KIF5C: variants seen among roughly 807,000 people sequenced by gnomAD.
The protein encoded by KIF5C is kinesin family member 5C.
KIF5C carries 18 observed loss-of-function variants against 125.2 expected under a neutral mutation model. The ratio of observed to expected loss-of-function variants is 0.14; its 90% confidence interval spans 0.10 to 0.21. The LOEUF (loss-of-function observed/expected upper bound fraction) is 0.21, where lower values mean the gene tolerates loss of function less well. KIF5C is among the 10% of genes least tolerant of loss of function. The probability of loss-of-function intolerance (pLI) is 1.00; values close to 1 mark genes in which losing one functional copy is unlikely to be tolerated. For missense variants in KIF5C, 780 were observed against 1,183.8 expected (o/e 0.66, Z 5.01); for synonymous variants, 405 against 434.0 (o/e 0.93, Z 0.83).
At chr2:148,971,290 G>GTCTATCTATCTATCTA (rs753154563) in intron 11 of KIF5C, among the ~76,000 whole-genome samples, 31 of 137,322 alleles carry the variant, frequency 2.3e-4, no homozygotes, top group Middle Eastern at 4.3e-3. Flanking sequence ...CTGTCTGTCT[G>GTCTATCTATCTATCTA]TCTATCTATC....
intron 11 of KIF5C, among the ~76,000 whole-genome samples, chr2:148,962,485 G>A (rs1028292866): frequency 1.3e-5 from 2 of 152,008 alleles, no homozygotes; most frequent in African/African-American, 4.8e-5. Flanking sequence ...GGCCGTGTGT[G>A]TGCTTTCTTT....
chr2:148,947,316 G>T (rs549281692), intron 8 of KIF5C: 17 of 335,604 alleles, frequency 5.1e-5, no homozygotes, highest in South Asian at 1.5e-4. Context: ...TGTGGCAGAG[G>T]CAGCTGCACA....
chr2:148,925,760 A>G (rs1040507021), intron 2 of KIF5C, among the ~76,000 whole-genome samples: 2 of 152,238 alleles, frequency 1.3e-5, no homozygotes, highest in African/African-American at 4.8e-5. Context: ...AGACAGGGCT[A>G]GGAATGGTGT....
chr2:148,915,212 T>C lies in KIF5C; in HGVS notation c.127-6925T>C, dbSNP rs114781211. Among the ~76,000 whole-genome samples, 490 of 152,270 alleles carry C rather than the reference T, an allele frequency of 3.2e-3. 5 individuals are homozygous for C. Among genetic ancestry groups the C allele is most frequent in the African/African-American group, 0.011 (467 of 41,546 alleles). On this transcript the variant is annotated intron_variant, in intron 1 of 25. Transcript: ENST00000435030. ...TCTGACACACTGGAGAAATACAGTG[T>C]GCGTCTCCTGTATCGTACACCATTT...
At chr2:148,941,334 G>A (rs1682402234) in intron 4 of KIF5C, among the ~76,000 whole-genome samples, 1 of 152,192 alleles carries the variant, frequency 6.6e-6, no homozygotes. Context: ...GAGTCCTCCT[G>A]TAAGTGTCTA....
intron 10 of KIF5C, among the ~76,000 whole-genome samples, chr2:148,955,229 G>A (rs1221095592): frequency 5.9e-5 from 9 of 152,202 alleles, no homozygotes; most frequent in Non-Finnish European, 2.9e-5. Flanking sequence ...TGGAAGGTTA[G>A]TTTCTGATTA....
chr2:148,997,353 G>A lies in KIF5C; in HGVS notation c.2100+13G>A, dbSNP rs1681703770. ...TGAAGAAATGAAGGTGTGTGTGGCT[G>A]CCCCTTCCATCAAGCCCAGTGTGCA... On this transcript the variant is annotated intron_variant, in intron 18 of 25. Coordinates refer to ENST00000435030, the MANE Select transcript of KIF5C (RefSeq NM_004522.3). The A allele has an allele frequency of 6.2e-7, 1 of 1,613,804 alleles. No individual in the cohort carries two copies. The highest frequency in any genetic ancestry group is 8.5e-7 in the Non-Finnish European group (1 of 1,179,884).
At chr2:149,004,149 C>T (rs7579197) in intron 21 of KIF5C, among the ~76,000 whole-genome samples, 2,436 of 152,288 alleles carry the variant, frequency 0.016, 65 homozygotes, top group African/African-American at 0.056. Context: ...TTACCTCATC[C>T]GAGGACACAA....
At chr2:148,882,215 C>G (rs1181077660) in intron 1 of KIF5C, among the ~76,000 whole-genome samples, 4 of 152,314 alleles carry the variant, frequency 2.6e-5, no homozygotes, top group Admixed American at 6.5e-5. Context: ...AGCTCTGCCA[C>G]TTCTTATCTG....
intron 3 of KIF5C, among the ~76,000 whole-genome samples, chr2:148,930,530 T>A (rs554624718): frequency 6.6e-6 from 1 of 152,270 alleles, no homozygotes; most frequent in South Asian, 2.1e-4. Context: ...TCATTTACGA[T>A]GCCCTCCTGG....
chr2:148,881,037 C>G (rs1255189083), intron 1 of KIF5C, among the ~76,000 whole-genome samples: 2 of 151,294 alleles, frequency 1.3e-5, no homozygotes, highest in Non-Finnish European at 2.9e-5. Context: ...AATTACTTAC[C>G]TCACAGGGTC....
At chr2:148,927,803 T>TC (rs1682060826) in intron 2 of KIF5C, among the ~76,000 whole-genome samples, 1 of 152,120 alleles carries the variant, frequency 6.6e-6, no homozygotes, top group Admixed American at 6.5e-5. Context: ...ACTGACTACT[T>TC]CAAGTTTTTG....
intron 18 of KIF5C, 127 bp downstream of exon 18, chr2:148,997,467 G>T (rs553187192): frequency 9.8e-5 from 149 of 1,513,676 alleles, no homozygotes; most frequent in Middle Eastern, 8.6e-4. Flanking sequence ...AGGGGCTGTT[G>T]TTGGGCATTC....
chr2:148,948,449 A>C (rs1378988401), intron 8 of KIF5C, among the ~76,000 whole-genome samples: 1 of 152,194 alleles, frequency 6.6e-6, no homozygotes, highest in Non-Finnish European at 1.5e-5. Context: ...ATTGTTATTT[A>C]GAGCCTAAAT....
At position 149,026,075 on chromosome 2, in the gene KIF5C, A is replaced by G. The variant is rs1360329278; in HGVS notation, c.*3005A>G. 1 of 152,644 alleles carries G rather than the reference A, an allele frequency of 6.6e-6. No individual in the cohort carries two copies. The highest frequency in any genetic ancestry group is 1.9e-4 in the East Asian group (1 of 5,194). 9.5% of individuals were successfully genotyped at this position (152,644 alleles called of 1,614,324 possible). A position where few individuals can be genotyped will look rare whatever the true frequency, so the allele number is the denominator to read the frequency against. On this transcript the variant is annotated 3_prime_UTR_variant, in exon 26 of 26. Coordinates refer to ENST00000435030, the MANE Select transcript of KIF5C (RefSeq NM_004522.3). ...GCTCTAGTTCTTATAGAAATAACAA[A>G]GCAAATAAAAGTTCTTAACAATCCC...
At chr2:148,949,736 CT>C (rs752429640) in intron 8 of KIF5C, 102 bp from the exon 9 acceptor site, 145 of 1,439,002 alleles carry the variant, frequency 1.0e-4, no homozygotes, top group Non-Finnish European at 1.3e-4. Flanking sequence ...TTTTTCCTTG[CT>C]TTCCAGGAGG....
intron 18 of KIF5C, chr2:148,997,578 C>T (rs1162397500): frequency 1.6e-6 from 1 of 608,394 alleles, no homozygotes; most frequent in African/African-American, 1.8e-5. Context: ...CCTTTGTCTT[C>T]ACCATTCCTG....
At chr2:148,969,725 T>G (rs1680850354) in intron 11 of KIF5C, among the ~76,000 whole-genome samples, 1 of 152,134 alleles carries the variant, frequency 6.6e-6, no homozygotes. Flanking sequence ...TGTGGGGGCT[T>G]CTCCAGAGAA....
intron 1 of KIF5C, among the ~76,000 whole-genome samples, chr2:148,895,065 T>G (rs1681802921): frequency 6.6e-6 from 1 of 152,012 alleles, no homozygotes; most frequent in Non-Finnish European, 1.5e-5. Context: ...GGCCACCTTT[T>G]GCTTAACATC....
Sources: allele counts gnomAD v4.1 joint callset (sites outside exome capture counted in the v4.1 genomes callset), GRCh38; gene constraint gnomAD v4.1.1; transcripts MANE v1.5; gene names NCBI Gene and HGNC (gene_info 2026-07-23, HGNC 2026-07-21).